PTPRN2: variants seen among roughly 807,000 people sequenced by gnomAD.
The protein encoded by PTPRN2 is receptor-type tyrosine-protein phosphatase N2.
In PTPRN2, 74 loss-of-function variants were observed where a neutral mutation model predicts 118.8. The ratio of observed to expected loss-of-function variants is 0.62; its 90% CI spans 0.52 to 0.76. PTPRN2 has a LOEUF of 0.76. PTPRN2 is among the 30% of genes least tolerant of loss of function. PTPRN2 has a pLI of 0.00. For missense variants in PTPRN2, 1,481 were observed against 1,394.4 expected, an observed-to-expected ratio of 1.06 and a Z score of -0.99; for synonymous variants, 641 against 608.0, an observed-to-expected ratio of 1.05 and a Z score of -0.80.
intron 13 of PTPRN2, chr7:157,669,430 C>G: frequency 2.2e-6 from 1 of 455,300 alleles, no homozygotes; most frequent in South Asian, 1.6e-5. Flanking sequence ...CACGCGCACA[C>G]ACACACACAC....
At chr7:158,386,388 AAGTCCCTCCTCCCATGCCCAG>A (rs1811374792) in intron 2 of PTPRN2, among the ~76,000 whole-genome samples, 7 of 61,730 alleles carry the variant, frequency 1.1e-4, no homozygotes, top group South Asian at 1.2e-3. Context: ...CCCGTGCCCC[AAGTCCCTCCTCCCATGCCCAG>A]AGTCCCTCCT....
At chr7:158,071,798 C>T (rs1452464988) in intron 11 of PTPRN2, among the ~76,000 whole-genome samples, 33 of 95,800 alleles carry the variant, frequency 3.4e-4, no homozygotes, top group African/African-American at 5.2e-4. Flanking sequence ...TGGAGGTGCT[C>T]CTGGTGGAGG....
At chr7:157,625,896 T>A (rs1303293372) in intron 14 of PTPRN2, among the ~76,000 whole-genome samples, 1 of 152,202 alleles carries the variant, frequency 6.6e-6, no homozygotes, top group East Asian at 1.9e-4. Flanking sequence ...AAAATGAAGA[T>A]AAGCAGAATG....
chr7:158,173,918 G>A (rs933017254), intron 5 of PTPRN2, among the ~76,000 whole-genome samples: 5 of 152,148 alleles, frequency 3.3e-5, no homozygotes, highest in African/African-American at 1.2e-4. Context: ...CTGTTGTTCT[G>A]TTCCTTTTCA....
Position 157,615,513 on chromosome 7 carries a change from C to G in PTPRN2, c.2344+5849G>C. The G allele has an allele frequency of 2.1e-6, 1 of 471,232 alleles. No individual in the cohort carries two copies. Among genetic ancestry groups the G allele is most frequent in the Non-Finnish European group, 4.4e-6 (1 of 227,074 alleles). The allele number at this position is 471,232 out of a possible 1,614,324, so 29.2% of individuals were successfully genotyped here. On this transcript the variant is annotated intron_variant, in intron 15 of 22. Coordinates refer to ENST00000389418, the MANE Select transcript of PTPRN2 (RefSeq NM_002847.5). This position sits in a 1 kb window ranked among gnomAD's most constrained non-coding sequence, Gnocchi z 4.3. ...CAATATGCTCGGGACCTGGGGACGG[C>G]TGGGGTGACCCCATCGCAAGGCCGG...
chr7:158,345,425 G>A (rs1028577576), intron 2 of PTPRN2, among the ~76,000 whole-genome samples: 2 of 152,202 alleles, frequency 1.3e-5, no homozygotes, highest in African/African-American at 4.8e-5. Flanking sequence ...AAGCTTCGGA[G>A]GCTCAGGAGG....
At position 157,787,250 on chromosome 7, in the gene PTPRN2, G is replaced by A. The variant is rs918788294; in HGVS notation, c.1789-104313C>T. Reference sequence around the variant, plus strand: ...CACTTGGATGCCACTTATGACCCCCGCGTGCCAGTGGATGCCCACAACCCC... The same window carrying A: ...CACTTGGATGCCACTTATGACCCCCACGTGCCAGTGGATGCCCACAACCCC... On this transcript the variant is annotated intron_variant, in intron 12 of 22. Coordinates refer to ENST00000389418, the MANE Select transcript of PTPRN2 (RefSeq NM_002847.5). The surrounding 1 kb of genome is among the most constrained non-coding windows in gnomAD (Gnocchi z 5.3). Among the ~76,000 whole-genome samples the A allele has an allele frequency of 1.7e-4, 26 of 152,120 alleles. No homozygotes were observed. Among genetic ancestry groups the A allele is most frequent in the Non-Finnish European group, 2.8e-4 (19 of 67,998 alleles).
At chr7:157,965,796 C>G (rs1299903642) in intron 11 of PTPRN2, among the ~76,000 whole-genome samples, 1 of 152,234 alleles carries the variant, frequency 6.6e-6, no homozygotes, top group Non-Finnish European at 1.5e-5. Context: ...TTATGACTTT[C>G]TGAAGAATTG....
At chr7:158,008,481 G>A (rs549664010) in intron 11 of PTPRN2, among the ~76,000 whole-genome samples, 10 of 152,178 alleles carry the variant, frequency 6.6e-5, no homozygotes, top group Non-Finnish European at 1.2e-4. Flanking sequence ...GCGTGGTGGC[G>A]GCTTACACGG....
rs573909739 is a variant in PTPRN2, at chr7:157,588,068, G to A, written c.2496+7170C>T. On this transcript the variant is annotated intron_variant, in intron 17 of 22. Transcript: ENST00000389418. The stretch of plus-strand genomic sequence containing the variant: ...GGCTGTCCCTGTGCCTGGGCTCCAG[G>A]GCCCTGGCTTTCCATGTCACATCTG... Among the ~76,000 whole-genome samples, 287 of 152,242 alleles carry A rather than the reference G, an allele frequency of 1.9e-3. 2 individuals are homozygous for A. The highest frequency in any genetic ancestry group is 7.2e-4 in the Non-Finnish European group (49 of 68,000).
At chr7:157,652,559 A>G (rs532097129) in intron 14 of PTPRN2, among the ~76,000 whole-genome samples, 3 of 152,092 alleles carry the variant, frequency 2.0e-5, no homozygotes, top group East Asian at 3.9e-4. Flanking sequence ...TGACCTGCCC[A>G]CCCCTGCCCC....
chr7:158,167,140 T>A lies in PTPRN2; in HGVS notation c.701A>T (p.Asp234Val), dbSNP rs1217921832. The change falls in exon 6 of 23, where the codon GAC becomes GTC. Residue 234 changes from aspartate to valine, a missense_variant. By Grantham distance (152) the Asp-to-Val change is radical. This residue lies in a region of PTPRN2 where 1,115 missense variants were observed against 994.2 expected (regional missense o/e 1.12). Coordinates refer to ENST00000389418, the MANE Select transcript of PTPRN2 (RefSeq NM_002847.5). Reference protein sequence around the residue: ...LQPDELSPKVDSGVDRHHLMA... With the variant: ...LQPDELSPKVVSGVDRHHLMA... ...CAGATGGTGTCTGTCCACACCACTGTCCACCTTAGGGCTGAGCTCATCTGG... is the reference window on the plus strand; with the variant it reads ...CAGATGGTGTCTGTCCACACCACTGACCACCTTAGGGCTGAGCTCATCTGG... 2 of 1,613,952 alleles carry A rather than the reference T, an allele frequency of 1.2e-6. No homozygotes were observed. Among genetic ancestry groups the A allele is most frequent in the East Asian group, 4.5e-5 (2 of 44,868 alleles).
chr7:158,252,768 G>A (rs1172027503), intron 3 of PTPRN2, among the ~76,000 whole-genome samples: 2 of 152,062 alleles, frequency 1.3e-5, no homozygotes, highest in Non-Finnish European at 2.9e-5. Context: ...ACAATCAGCC[G>A]CATCACATGC....
chr7:158,256,571 C>T (rs1797034523), intron 3 of PTPRN2, among the ~76,000 whole-genome samples: 1 of 151,926 alleles, frequency 6.6e-6, no homozygotes, highest in African/African-American at 2.4e-5. Context: ...GAGACAGAAG[C>T]TGGCGGGGGC....
rs535140688 is a variant in PTPRN2, at chr7:158,113,045, T to C, written c.1557-2130A>G. Reference sequence around the variant, plus strand: ...CCCCGGCATTTAGGGCCCCCCAGCATTGAGGGCCCCCCAACATTTAGGGCA... The same window carrying C: ...CCCCGGCATTTAGGGCCCCCCAGCACTGAGGGCCCCCCAACATTTAGGGCA... On this transcript the variant is annotated intron_variant, in intron 9 of 22. Transcript: ENST00000389418. 5.4e-5 allele frequency among the ~76,000 whole-genome samples: 8 copies of C among 149,378 alleles called. No homozygotes were observed. The East Asian group carries it at 1.4e-3, about 26-fold the overall frequency.
intron 12 of PTPRN2, among the ~76,000 whole-genome samples, chr7:157,742,398 A>G (rs536695041): frequency 2.0e-5 from 3 of 152,360 alleles, no homozygotes; most frequent in African/African-American, 7.2e-5. Flanking sequence ...CAAGTAGGAC[A>G]GAAAATATTC....
chr7:158,031,779 C>T (rs188106821), intron 11 of PTPRN2, among the ~76,000 whole-genome samples: 65 of 152,246 alleles, frequency 4.3e-4, no homozygotes, highest in African/African-American at 1.5e-3. Context: ...CAGATAAAGT[C>T]AGAAAAACAA....
intron 1 of PTPRN2, among the ~76,000 whole-genome samples, chr7:158,500,575 C>A (rs1258403375): frequency 6.6e-6 from 1 of 152,250 alleles, no homozygotes; most frequent in Non-Finnish European, 1.5e-5. Context: ...GTTTCACACA[C>A]TCTTCTCTGT....
chr7:158,333,701 C>A (rs1195222945), intron 2 of PTPRN2, among the ~76,000 whole-genome samples: 2 of 150,890 alleles, frequency 1.3e-5, no homozygotes, highest in African/African-American at 4.9e-5. Flanking sequence ...CACACTGTCA[C>A]CATAAGAGCT....
Sources: allele counts gnomAD v4.1 joint callset (sites outside exome capture counted in the v4.1 genomes callset), GRCh38; gene constraint gnomAD v4.1.1; regional missense constraint gnomAD v4.1.1; non-coding constraint Gnocchi (gnomAD v3.1); transcripts MANE v1.5; gene names NCBI Gene and HGNC (gene_info 2026-07-23, HGNC 2026-07-21).